The following UGT8 variants were observed in gnomAD, a reference collection of about 807,000 sequenced individuals.
UGT8 encodes 2-hydroxyacylsphingosine 1-beta-galactosyltransferase.
A neutral mutation model predicts 40.5 loss-of-function variants in UGT8; 12 were observed. The observed-to-expected ratio is 0.30, with a 90% CI of 0.19 to 0.48. The LOEUF is 0.48. Among genes scored for constraint, UGT8 ranks in the 20% least tolerant of loss-of-function variants. UGT8 has a pLI of 0.99. For missense variants in UGT8, 513 were observed against 648.7 expected, an observed-to-expected ratio of 0.79 and a Z score of 2.27; for synonymous variants, 224 against 240.4, an observed-to-expected ratio of 0.93 and a Z score of 0.63.
chr4:114,626,566 G>A (rs1475672559), intron 2 of UGT8, among the ~76,000 whole-genome samples: 1 of 152,114 alleles, frequency 6.6e-6, no homozygotes, highest in Non-Finnish European at 1.5e-5. Context: ...ATATAGTTCG[G>A]CTCCATTCCT....
chr4:114,629,360 C>T (rs551795137), intron 2 of UGT8, among the ~76,000 whole-genome samples: 76 of 152,210 alleles, frequency 5.0e-4, no homozygotes, highest in Non-Finnish European at 1.0e-3. Context: ...TTGGATGGCT[C>T]TCTTAACTAG....
At chr4:114,644,046 T>C (rs1733396684) in intron 2 of UGT8, among the ~76,000 whole-genome samples, 1 of 151,782 alleles carries the variant, frequency 6.6e-6, no homozygotes. Flanking sequence ...TCTCTGAATC[T>C]AATCTACACT....
At chr4:114,647,481 T>C (rs1203611295) in intron 2 of UGT8, among the ~76,000 whole-genome samples, 1 of 151,732 alleles carries the variant, frequency 6.6e-6, no homozygotes, top group African/African-American at 2.4e-5. Context: ...TTCTCCTGCC[T>C]CAGCCTCCTG....
rs1170146800 is a variant in UGT8, at chr4:114,677,932, G to A, written c.*1644G>A. 6.6e-6 allele frequency: 1 copy of A among 152,170 alleles called. No individual in the cohort carries two copies. The highest frequency in any genetic ancestry group is 1.5e-5 in the Non-Finnish European group (1 of 68,042). 9.4% of individuals were successfully genotyped at this position (152,170 alleles called of 1,614,324 possible). On this transcript the variant is annotated 3_prime_UTR_variant, in exon 6 of 6. Transcript: ENST00000310836. ...ATAATGTCACAAGTAGTTTTCTAAT[G>A]TACAATGCAGACAAATGTACTGCTC...
chr4:114,622,196 T>C (rs1731849916), intron 1 of UGT8, among the ~76,000 whole-genome samples: 1 of 149,036 alleles, frequency 6.7e-6, no homozygotes, highest in African/African-American at 2.5e-5. Flanking sequence ...TGAGTGAGAA[T>C]ATGCGGTGTT....
chr4:114,635,438 A>G (rs1326484451), intron 2 of UGT8, among the ~76,000 whole-genome samples: 1 of 152,192 alleles, frequency 6.6e-6, no homozygotes, highest in African/African-American at 2.4e-5. Flanking sequence ...TAATTGAATT[A>G]CCATTTTTAT....
intron 1 of UGT8, among the ~76,000 whole-genome samples, chr4:114,611,040 GT>G (rs952041109): frequency 6.6e-6 from 1 of 152,002 alleles, no homozygotes; most frequent in African/African-American, 2.4e-5. Context: ...GAAGATGAAA[GT>G]TTGATCTGGA....
intron 5 of UGT8, among the ~76,000 whole-genome samples, chr4:114,671,438 G>T (rs886901235): frequency 2.0e-5 from 3 of 152,112 alleles, no homozygotes; most frequent in African/African-American, 7.2e-5. Context: ...CTACAAGATT[G>T]CAGTAACTAA....
intron 2 of UGT8, among the ~76,000 whole-genome samples, chr4:114,624,373 T>C (rs1379172146): frequency 6.6e-6 from 1 of 152,220 alleles, no homozygotes; most frequent in Non-Finnish European, 1.5e-5. Context: ...TGGTATTCTG[T>C]TCACCATCCT....
chr4:114,600,451 C>A (rs190535170), intron 1 of UGT8, among the ~76,000 whole-genome samples: 247 of 152,212 alleles, frequency 1.6e-3, no homozygotes, highest in African/African-American at 5.4e-3. Context: ...TCTGACATAT[C>A]CCCAGAAAAA....
chr4:114,635,590 A>T (rs1417519208), intron 2 of UGT8, among the ~76,000 whole-genome samples: 3 of 152,158 alleles, frequency 2.0e-5, no homozygotes, highest in African/African-American at 4.8e-5. Context: ...TTTGTAAAAT[A>T]TTTATTTAGA....
intron 1 of UGT8, among the ~76,000 whole-genome samples, chr4:114,613,723 A>G (rs2126090642): frequency 6.6e-6 from 1 of 152,170 alleles, no homozygotes; most frequent in Non-Finnish European, 1.5e-5. Flanking sequence ...CGGTGGGAGA[A>G]TTGCATAAAT....
At chr4:114,612,551 C>A (rs1302887469) in intron 1 of UGT8, among the ~76,000 whole-genome samples, 2 of 152,068 alleles carry the variant, frequency 1.3e-5, no homozygotes, top group Non-Finnish European at 1.5e-5. Context: ...CTATTAGGTT[C>A]TTTTATTATT....
intron 2 of UGT8, among the ~76,000 whole-genome samples, chr4:114,626,497 A>G (rs1732230962): frequency 6.6e-6 from 1 of 152,222 alleles, no homozygotes; most frequent in Non-Finnish European, 1.5e-5. Context: ...GAAAATTTAT[A>G]AAGGACATTT....
In UGT8 at chr4:114,664,063, C is replaced by G; in HGVS notation, c.891C>G (p.Val297=). The G allele has an allele frequency of 6.2e-7, 1 of 1,614,014 alleles. No homozygotes were observed. Among genetic ancestry groups the G allele is most frequent in the Non-Finnish European group, 8.5e-7 (1 of 1,179,970 alleles). The change falls in exon 3 of 6, where the codon GTC becomes GTG. Residue 297 remains valine, a synonymous_variant. Coordinates refer to ENST00000310836, the MANE Select transcript of UGT8 (RefSeq NM_001128174.3). ...GFVLVSFGAG[V]KYLSEDIANK... ...TCTTGGTGTCTTTTGGAGCTGGTGTCAAGTATCTGTCAGAAGACATTGCTA... is the reference window on the plus strand; with the variant it reads ...TCTTGGTGTCTTTTGGAGCTGGTGTGAAGTATCTGTCAGAAGACATTGCTA...
intron 1 of UGT8, among the ~76,000 whole-genome samples, chr4:114,615,135 T>C (rs1417970665): frequency 1.2e-4 from 18 of 152,124 alleles, no homozygotes; most frequent in Admixed American, 1.2e-3. Flanking sequence ...TTTTTTAAGC[T>C]TTCTTTTTTT....
rs143006953 is a variant in UGT8 at position 114,676,639 on chromosome 4, GTA to G, written c.*353_*354del. On this transcript the variant is annotated 3_prime_UTR_variant, in exon 6 of 6. Coordinates refer to ENST00000310836, the MANE Select transcript of UGT8 (RefSeq NM_001128174.3). The stretch of plus-strand genomic sequence containing the variant: ...ATTTTTCTTAATAATGTGTGTGTGT[GTA>G]TGTGTGTGTGTGTGTGTGTGTGTTT... The G allele has an allele frequency of 5.6e-3, 1,145 of 203,668 alleles. 13 individuals are homozygous for G. Among genetic ancestry groups the G allele is most frequent in the African/African-American group, 0.026 (1,063 of 40,472 alleles). The allele number at this position is 203,668 out of a possible 1,614,324, so 12.6% of individuals were successfully genotyped here.
intron 2 of UGT8, among the ~76,000 whole-genome samples, chr4:114,659,132 A>C (rs184003705): frequency 1.6e-4 from 25 of 152,332 alleles, no homozygotes; most frequent in Admixed American, 1.4e-3. Flanking sequence ...ATCAGTGTCT[A>C]TCCGGATCAC....
At chr4:114,646,901 G>A (rs1015414136) in intron 2 of UGT8, among the ~76,000 whole-genome samples, 1 of 152,210 alleles carries the variant, frequency 6.6e-6, no homozygotes, top group Middle Eastern at 3.2e-3. Flanking sequence ...ACAGGCTTTT[G>A]TGAAGTTTCA....
Sources: gnomAD v4.1 joint callset for allele counts (sites outside exome capture counted in the v4.1 genomes callset) on GRCh38, gnomAD v4.1.1 for gene constraint, MANE v1.5 for transcripts, NCBI Gene and HGNC (gene_info 2026-07-23, HGNC 2026-07-21) for gene names.